The following FBXW10B variants were observed in gnomAD, a reference collection of about 807,000 sequenced individuals.
FBXW10B encodes F-box and WD repeat domain containing protein 10B.
the FBXW10B span, among the ~76,000 whole-genome samples, chr17:15,591,549 A>G: frequency 6.6e-6 from 1 of 152,186 alleles, no homozygotes; most frequent in Non-Finnish European, 1.5e-5. Context: ...CGGCCTCCCA[A>G]AGTGCTGGAA....
At chr17:15,612,517 TA>T in the FBXW10B span, 21,176 of 351,432 alleles carry the variant, frequency 0.06, 2 homozygotes, top group Non-Finnish European at 0.073. Context: ...CCATCTCATT[TA>T]AAAAAAAAAA....
the FBXW10B span, chr17:15,618,965 G>T: frequency 1.2e-5 from 19 of 1,594,414 alleles, no homozygotes; most frequent in East Asian, 4.0e-4. Context: ...CTTGCCTTCT[G>T]GTCTTCGGGG....
At chr17:15,598,740 T>G in the FBXW10B span, 1 of 1,564,980 alleles carries the variant, frequency 6.4e-7, no homozygotes, top group Non-Finnish European at 8.6e-7. Context: ...AATTAGTTAG[T>G]TGGGAGGCAG....
At chr17:15,577,441 G>A in the FBXW10B span, among the ~76,000 whole-genome samples, 4 of 152,174 alleles carry the variant, frequency 2.6e-5, no homozygotes, top group Non-Finnish European at 2.9e-5. Context: ...ATTTTCAAGC[G>A]TTGTGAGCTG....
the FBXW10B span, among the ~76,000 whole-genome samples, chr17:15,570,201 G>T: frequency 1.3e-5 from 2 of 152,214 alleles, no homozygotes; most frequent in Non-Finnish European, 2.9e-5. Flanking sequence ...AGATACCAAA[G>T]AAGGAATACA....
chr17:15,612,161 G>A, the FBXW10B span, among the ~76,000 whole-genome samples: 1 of 152,178 alleles, frequency 6.6e-6, no homozygotes, highest in Non-Finnish European at 1.5e-5. Context: ...ACCCTGAGAA[G>A]ACAACCAAAT....
the FBXW10B span, among the ~76,000 whole-genome samples, chr17:15,592,261 T>G: frequency 8.6e-5 from 13 of 150,964 alleles, no homozygotes; most frequent in African/African-American, 2.7e-4. Context: ...GAAAAACACC[T>G]TTCTTTGGAT....
At chr17:15,591,216 G>T in the FBXW10B span, among the ~76,000 whole-genome samples, 2 of 152,236 alleles carry the variant, frequency 1.3e-5, no homozygotes, top group Admixed American at 1.3e-4. Flanking sequence ...ACTTAGGAGT[G>T]CACATTCAGA....
chr17:15,593,311 T>C, the FBXW10B span: 1 of 1,613,536 alleles, frequency 6.2e-7, no homozygotes, highest in East Asian at 2.2e-5. Context: ...TCACTCACAG[T>C]TCTGACCTCC....
At chr17:15,602,156 A>C in the FBXW10B span, among the ~76,000 whole-genome samples, 20 of 151,988 alleles carry the variant, frequency 1.3e-4, no homozygotes, top group Admixed American at 1.1e-3. Flanking sequence ...TTTCCCTCCC[A>C]GTCACATTTT....
chr17:15,576,634 A>G, the FBXW10B span, among the ~76,000 whole-genome samples: 1 of 152,258 alleles, frequency 6.6e-6, no homozygotes, highest in Non-Finnish European at 1.5e-5. Context: ...GGTGACGCTG[A>G]CAGGGAAATA....
the FBXW10B span, chr17:15,613,496 C>T: frequency 2.6e-6 from 2 of 784,164 alleles, no homozygotes; most frequent in Middle Eastern, 3.8e-4. Context: ...GCCTAAAAGG[C>T]CACAAATGTA....
At chr17:15,584,348 G>A in the FBXW10B span, among the ~76,000 whole-genome samples, 63 of 152,114 alleles carry the variant, frequency 4.1e-4, 1 homozygote, top group Admixed American at 3.5e-3. Flanking sequence ...TAAATCAGGG[G>A]ATAAAACCAC....
chr17:15,586,723 T>G, the FBXW10B span, among the ~76,000 whole-genome samples: 1 of 151,486 alleles, frequency 6.6e-6, no homozygotes, highest in Non-Finnish European at 1.5e-5. Flanking sequence ...TCAGGATGCT[T>G]GGCTTTGAAG....
At chr17:15,601,049 CA>C in the FBXW10B span, among the ~76,000 whole-genome samples, 30 of 28,256 alleles carry the variant, frequency 1.1e-3, no homozygotes, top group South Asian at 3.4e-3. Context: ...GACTCCATCT[CA>C]AAAAAAAAAA....
chr17:15,615,681 C>T, the FBXW10B span: 38 of 1,613,678 alleles, frequency 2.4e-5, no homozygotes, highest in Non-Finnish European at 3.0e-5. Context: ...TGTTCATTTT[C>T]TGGGGCTTTG....
the FBXW10B span, among the ~76,000 whole-genome samples, chr17:15,601,314 A>G: frequency 2.0e-5 from 3 of 148,642 alleles, no homozygotes; most frequent in East Asian, 6.0e-4. Flanking sequence ...GAGGCTGAGG[A>G]AGGAGAATGG....
the FBXW10B span, among the ~76,000 whole-genome samples, chr17:15,585,763 T>A: frequency 6.6e-6 from 1 of 152,228 alleles, no homozygotes; most frequent in Non-Finnish European, 1.5e-5. Context: ...TGGAAAGGAA[T>A]CAAGCAAAAT....
the FBXW10B span, among the ~76,000 whole-genome samples, chr17:15,610,125 G>A: frequency 6.6e-6 from 1 of 152,088 alleles, no homozygotes; most frequent in African/African-American, 2.4e-5. Flanking sequence ...GCCTCCCAAA[G>A]TGCTGGGATT....
Sources: allele counts gnomAD v4.1 joint callset (sites outside exome capture counted in the v4.1 genomes callset), GRCh38; gene constraint gnomAD v4.1.1; transcripts MANE v1.5; gene names NCBI Gene and HGNC (gene_info 2026-07-23, HGNC 2026-07-21).